Variants in CTNNAL1 observed in about 807,000 individuals in gnomAD.
CTNNAL1 encodes catenin alpha like 1.
CTNNAL1 carries 69 observed loss-of-function variants against 93.6 expected under a neutral mutation model. That is an observed-to-expected ratio of 0.74 (90% confidence interval 0.61 to 0.90). The LOEUF (loss-of-function observed/expected upper bound fraction) is 0.90. CTNNAL1 is among the 40% of genes least tolerant of loss of function. CTNNAL1 has a pLI of 0.00. For synonymous variants in CTNNAL1, 286 were observed against 305.4 expected, an observed-to-expected ratio of 0.94 and a Z score of 0.66; for missense variants, 836 against 862.0, an observed-to-expected ratio of 0.97 and a Z score of 0.38.
intron 15 of CTNNAL1, among the ~76,000 whole-genome samples, chr9:108,945,463 C>CTT (rs578073650): frequency 2.4e-4 from 32 of 135,482 alleles, no homozygotes; most frequent in African/African-American, 5.1e-4. Context: ...GGTTTTCTTC[C>CTT]TTTTTTTTTT....
At chr9:108,964,339 A>G (rs916058261) in intron 11 of CTNNAL1, among the ~76,000 whole-genome samples, 12 of 152,324 alleles carry the variant, frequency 7.9e-5, no homozygotes, top group African/African-American at 2.9e-4. Context: ...GGCATACTCA[A>G]TAAAAAATAT....
At chr9:108,975,852 G>A (rs1429719889) in intron 8 of CTNNAL1, among the ~76,000 whole-genome samples, 3 of 152,064 alleles carry the variant, frequency 2.0e-5, no homozygotes, top group South Asian at 2.1e-4. Context: ...TGACGAAAAC[G>A]GTCCAGTTGT....
chr9:108,948,305 A>C, intron 14 of CTNNAL1, 71 bp from the exon 15 acceptor site: 1 of 1,408,558 alleles, frequency 7.1e-7, no homozygotes, highest in Non-Finnish European at 9.7e-7. Flanking sequence ...TAATATTAAA[A>C]TTTTAGAGCA....
chr9:108,952,107 T>C, intron 14 of CTNNAL1, 102 bp downstream of exon 14: 1 of 997,926 alleles, frequency 1.0e-6, no homozygotes, highest in Non-Finnish European at 1.4e-6. Flanking sequence ...TACCATATAT[T>C]TGATACCGAC....
chr9:108,971,611 G>A (rs1295253447), intron 9 of CTNNAL1, among the ~76,000 whole-genome samples: 1 of 152,206 alleles, frequency 6.6e-6, no homozygotes, highest in Admixed American at 6.5e-5. Context: ...TGCCATGTAA[G>A]ATGTGCCTTT....
intron 6 of CTNNAL1, among the ~76,000 whole-genome samples, chr9:108,981,653 G>A (rs1033799467): frequency 6.6e-6 from 1 of 152,188 alleles, no homozygotes; most frequent in African/African-American, 2.4e-5. Flanking sequence ...GGCCAGGCGT[G>A]GTGGTTCACG....
intron 2 of CTNNAL1, among the ~76,000 whole-genome samples, chr9:108,995,947 T>G (rs1184046171): frequency 1.3e-5 from 2 of 149,596 alleles, no homozygotes; most frequent in South Asian, 2.1e-4. Flanking sequence ...CTAGGCAATC[T>G]GACCCTAAGA....
chr9:108,972,864 G>GGCCGCCCCCCCC, intron 8 of CTNNAL1, 31 bp from the exon 9 acceptor site: 2 of 142,588 alleles, frequency 1.4e-5, no homozygotes, highest in Non-Finnish European at 2.0e-5. Context: ...GGGGGGGTGG[G>GGCCGCCCCCCCC]AGGGTGGAGA....
intron 15 of CTNNAL1, among the ~76,000 whole-genome samples, chr9:108,947,461 G>C (rs1391457613): frequency 1.3e-5 from 2 of 152,164 alleles, no homozygotes; most frequent in Non-Finnish European, 2.9e-5. Context: ...AATGCCAAAG[G>C]AGACTATATG....
intron 2 of CTNNAL1, among the ~76,000 whole-genome samples, chr9:108,997,140 C>T (rs1832052995): frequency 6.6e-6 from 1 of 152,170 alleles, no homozygotes; most frequent in South Asian, 2.1e-4. Context: ...CCCTGCTTCC[C>T]ACATAAAACC....
At position 108,972,599 on chromosome 9, in the gene CTNNAL1, A is replaced by G. The variant is rs910808691; in HGVS notation, c.1347+76T>C. Reference sequence around the variant, plus strand: ...CTCAGATAAATTAACCCAAAACTGTATTTGTGTTAACATTCCCACATAGTT... The same window carrying G: ...CTCAGATAAATTAACCCAAAACTGTGTTTGTGTTAACATTCCCACATAGTT... On this transcript the variant is annotated intron_variant, in intron 9 of 18. Coordinates refer to ENST00000325551, the MANE Select transcript of CTNNAL1 (RefSeq NM_003798.4). The G allele has an allele frequency of 2.4e-5, 30 of 1,258,704 alleles. No individual in the cohort carries two copies. In the African/African-American group the frequency reaches 3.9e-4, roughly 16 times the overall value. 78.0% of individuals were successfully genotyped at this position (1,258,704 alleles called of 1,614,324 possible). A position where few individuals can be genotyped will look rare whatever the true frequency, so the allele number is the denominator to read the frequency against.
In CTNNAL1 at chr9:108,942,768, C is replaced by G; in HGVS notation, c.*1G>C. ...TCCAGAGATCTGACCCCAAAAGCTT[C>G]TCAAGTTTTACTATCCATAGTGTCC... is the stretch of plus-strand genomic sequence containing the variant. On this transcript the variant is annotated 3_prime_UTR_variant, in exon 19 of 19. Coordinates refer to ENST00000325551, the MANE Select transcript of CTNNAL1 (RefSeq NM_003798.4). 6.2e-7 allele frequency: 1 copy of G among 1,600,302 alleles called. No homozygotes were observed. The highest frequency in any genetic ancestry group is 8.6e-7 in the Non-Finnish European group (1 of 1,168,654).
chr9:108,990,892 G>C, intron 3 of CTNNAL1, 47 bp from the exon 4 acceptor site: 1 of 1,573,586 alleles, frequency 6.4e-7, no homozygotes, highest in Non-Finnish European at 8.6e-7. Flanking sequence ...CTACTCAAGA[G>C]ACTGAGATTG....
rs779520014 is a variant in CTNNAL1, at chr9:108,955,777, T to C, written c.1629+13A>G. On this transcript the variant is annotated intron_variant, in intron 12 of 18. Coordinates refer to ENST00000325551, the MANE Select transcript of CTNNAL1 (RefSeq NM_003798.4). ...TAAAAACATTCTGCAATGTACATAA[T>C]TCTTCTACTTACCATTGGCTTTGGA... 28 of 1,598,688 alleles carry C rather than the reference T, an allele frequency of 1.8e-5. No individual in the cohort carries two copies. Among genetic ancestry groups the C allele is most frequent in the Non-Finnish European group, 2.4e-5 (28 of 1,171,266 alleles).
chr9:108,997,129 C>A (rs900758520), intron 2 of CTNNAL1, among the ~76,000 whole-genome samples: 8 of 152,166 alleles, frequency 5.3e-5, no homozygotes, highest in African/African-American at 1.4e-4. Flanking sequence ...AGGATATCCC[C>A]CCCTGCTTCC....
chr9:109,000,978 T>C (rs1293631968), intron 1 of CTNNAL1, among the ~76,000 whole-genome samples: 2 of 144,758 alleles, frequency 1.4e-5, no homozygotes, highest in African/African-American at 2.6e-5. Context: ...CTGGCCAACA[T>C]AGTGAAACCC....
At chr9:109,003,017 G>A (rs899387896) in intron 1 of CTNNAL1, among the ~76,000 whole-genome samples, 4 of 152,024 alleles carry the variant, frequency 2.6e-5, no homozygotes. Flanking sequence ...TTCTCCAGAT[G>A]GCACATCATA....
Position 108,952,360 on chromosome 9 carries a change from G to C in CTNNAL1, c.1684C>G (p.Gln562Glu). 6.2e-7 allele frequency: 1 copy of C among 1,614,114 alleles called. No individual in the cohort carries two copies. The change falls in exon 14 of 19, where the codon CAA becomes GAA. Residue 562 changes from glutamine to glutamate, a missense_variant. Coordinates refer to ENST00000325551, the MANE Select transcript of CTNNAL1 (RefSeq NM_003798.4). ...AGTCCAAGCTTTGCTATCTTGGCTTGCTCCTATGAAACAGACGTTTTAATC... is the reference window on the plus strand; with the variant it reads ...AGTCCAAGCTTTGCTATCTTGGCTTCCTCCTATGAAACAGACGTTTTAATC... The part of the protein sequence containing the change: ...LKPDKPDSEE[Q>E]AKIAKLGLKL...
At chr9:109,002,439 G>A (rs1274331101) in intron 1 of CTNNAL1, among the ~76,000 whole-genome samples, 7 of 152,170 alleles carry the variant, frequency 4.6e-5, no homozygotes, top group Non-Finnish European at 1.5e-5. Flanking sequence ...TTAAGGAAAA[G>A]TGAGAAAAAT....
Sources: allele counts gnomAD v4.1 joint callset (sites outside exome capture counted in the v4.1 genomes callset), GRCh38; gene constraint gnomAD v4.1.1; transcripts MANE v1.5; gene names NCBI Gene and HGNC (gene_info 2026-07-23, HGNC 2026-07-21).